TRIM29: variants seen among roughly 807,000 people sequenced by gnomAD.
TRIM29 encodes the protein tripartite motif containing 29, also known as tripartite motif-containing protein 29.
In TRIM29, 52 loss-of-function variants were observed where a neutral mutation model predicts 57.3. That is an observed-to-expected ratio of 0.91 (90% CI 0.73 to 1.14). The LOEUF (loss-of-function observed/expected upper bound fraction) is 1.14, where lower values mean the gene tolerates loss of function less well. Ranked by LOEUF, TRIM29 falls within the 50% of genes most tolerant of loss-of-function variation. The pLI is 0.00. For missense variants in TRIM29, 753 were observed against 774.6 expected, an observed-to-expected ratio of 0.97 and a Z score of 0.33; for synonymous variants, 319 against 316.9, an observed-to-expected ratio of 1.01 and a Z score of -0.07.
Position 120,115,342 on chromosome 11 carries a change from A to T in TRIM29, c.1700T>A (p.Met567Lys). Residue 567 changes from methionine to lysine, a missense_variant, in exon 8 of 9, where the codon ATG becomes AAG. Physicochemically the swap from Met to Lys is moderately conservative, Grantham distance 95. Transcript: ENST00000341846. ...PQTWKSGKQT[M>K]LSHYRPFYVN... ...TCCCGGCAGCACTTCCCTTACCAGC[A>T]TAGTCTGCTTGCCAGATTTCCAAGT... 6.2e-7 allele frequency: 1 copy of T among 1,613,384 alleles called. No individual in the cohort carries two copies. Among genetic ancestry groups the T allele is most frequent in the Non-Finnish European group, 8.5e-7 (1 of 1,179,774 alleles).
chr11:120,122,608 G>A (rs1197415926), intron 5 of TRIM29, among the ~76,000 whole-genome samples: 1 of 152,230 alleles, frequency 6.6e-6, no homozygotes, highest in Non-Finnish European at 1.5e-5. Flanking sequence ...CGGCCTGGCA[G>A]AAGGGAGCCC....
At position 120,123,178 on chromosome 11, in the gene TRIM29, A is replaced by T. The variant is rs1484959581; in HGVS notation, c.1334-123T>A. On this transcript the variant is annotated intron_variant, in intron 4 of 8. Transcript: ENST00000341846. ...TTCCCCTATCTCCCAGGCAGATCCA[A>T]GTTTCCCCAACCTCTCAGAGAATAT... The T allele has an allele frequency of 7.0e-6, 5 of 712,940 alleles. No homozygotes were observed. In the Admixed American group the frequency reaches 1.1e-4, roughly 16 times the overall value. 44.2% of individuals were successfully genotyped at this position (712,940 alleles called of 1,614,324 possible).
At chr11:120,120,730 A>G (rs1863422515) in intron 5 of TRIM29, 65 bp from the exon 6 acceptor site, 2 of 1,505,808 alleles carry the variant, frequency 1.3e-6, no homozygotes, top group Non-Finnish European at 1.8e-6. Context: ...CTTGCCCCCA[A>G]AAAGTTGCCC....
intron 1 of TRIM29, among the ~76,000 whole-genome samples, chr11:120,135,226 T>C (rs1014725592): frequency 3.0e-4 from 46 of 152,166 alleles, no homozygotes; most frequent in African/African-American, 1.1e-3. Context: ...AGATAATCAA[T>C]AAGAATGTCC....
At chr11:120,125,558 T>C in intron 4 of TRIM29, 133 bp downstream of exon 4, 1 of 795,858 alleles carries the variant, frequency 1.3e-6, no homozygotes. Flanking sequence ...CCAAACGGCC[T>C]GAGGAAGGGT....
chr11:120,118,127 G>C (rs1426637659), intron 7 of TRIM29, 96 bp downstream of exon 7: 2 of 1,116,336 alleles, frequency 1.8e-6, no homozygotes, highest in African/African-American at 3.1e-5. Context: ...CACGAGGTGA[G>C]GGAGGAACTA....
At chr11:120,134,950 G>A (rs1278838466) in intron 1 of TRIM29, among the ~76,000 whole-genome samples, 1 of 152,212 alleles carries the variant, frequency 6.6e-6, no homozygotes, top group Non-Finnish European at 1.5e-5. Context: ...GCCGCTCTGT[G>A]TAACTAGACG....
rs373056755 is a variant in TRIM29, at chr11:120,116,883, G to A, written c.1627+1340C>T. On this transcript the variant is annotated intron_variant, in intron 7 of 8. Coordinates refer to ENST00000341846, the MANE Select transcript of TRIM29 (RefSeq NM_012101.4). ...GAGAAGGGACCGGCACACCCTAGAA[G>A]TGGCAGAGAGCCCCCCATGTCCCAC... 714 of 340,680 alleles carry A rather than the reference G, an allele frequency of 2.1e-3. 5 individuals carry two copies. Among genetic ancestry groups the A allele is most frequent in the South Asian group, 5.3e-3 (233 of 43,852 alleles). The allele number at this position is 340,680 out of a possible 1,614,324, so 21.1% of individuals were successfully genotyped here. A position where few individuals can be genotyped will look rare whatever the true frequency, so the allele number is the denominator to read the frequency against.
intron 8 of TRIM29, among the ~76,000 whole-genome samples, chr11:120,113,861 A>G (rs764531731): frequency 2.6e-5 from 4 of 152,148 alleles, no homozygotes; most frequent in African/African-American, 4.8e-5. Flanking sequence ...AGGTCAATGA[A>G]TGGCATTGTC....
intron 2 of TRIM29, 63 bp downstream of exon 2, chr11:120,128,337 G>T (rs943536526): frequency 1.3e-6 from 2 of 1,486,104 alleles, no homozygotes; most frequent in Admixed American, 3.4e-5. Context: ...GCCAAGGCCT[G>T]CGTCTTTCCA....
In TRIM29 at chr11:120,120,628, G is replaced by C. The variant is rs374474010; in HGVS notation, c.1473C>G (p.Gly491=). The C allele has an allele frequency of 3.1e-5, 50 of 1,613,792 alleles. No individual in the cohort carries two copies. Among genetic ancestry groups the C allele is most frequent in the Non-Finnish European group, 4.0e-5 (47 of 1,180,004 alleles). ...VRTSYQPSSP[G]RFTKETTQKN... is the part of the protein sequence containing the mutation. Reference sequence around the variant, plus strand: ...TCTGGGTGGTCTCCTTGGTGAAGCGGCCAGGAGACGAGGGCTGGTATGATG... The same window carrying C: ...TCTGGGTGGTCTCCTTGGTGAAGCGCCCAGGAGACGAGGGCTGGTATGATG... The change falls in exon 6 of 9, where the codon GGC becomes GGG. Residue 491 remains glycine, a synonymous_variant. Coordinates refer to ENST00000341846, the MANE Select transcript of TRIM29 (RefSeq NM_012101.4).
At chr11:120,115,494 T>TC in intron 7 of TRIM29, 80 bp from the exon 8 acceptor site, 1 of 1,206,738 alleles carries the variant, frequency 8.3e-7, no homozygotes, top group Non-Finnish European at 1.2e-6. Flanking sequence ...CACAGCTGCC[T>TC]TCTCCAAAGT....
intron 5 of TRIM29, among the ~76,000 whole-genome samples, chr11:120,122,351 C>T (rs1380225887): frequency 6.6e-6 from 1 of 152,102 alleles, no homozygotes; most frequent in East Asian, 1.9e-4. Flanking sequence ...TGCTGGCGCC[C>T]AAGAATGTGA....
chr11:120,119,120 T>C (rs1174000378), intron 6 of TRIM29, among the ~76,000 whole-genome samples: 4 of 152,150 alleles, frequency 2.6e-5, no homozygotes, highest in Non-Finnish European at 5.9e-5. Flanking sequence ...CCAAGTTGAA[T>C]AGGCTAACAC....
At chr11:120,130,551 T>A (rs748924725) in intron 1 of TRIM29, among the ~76,000 whole-genome samples, 3 of 152,206 alleles carry the variant, frequency 2.0e-5, no homozygotes, top group Non-Finnish European at 2.9e-5. Context: ...CAGGTGCCTC[T>A]GAAAGTTGCC....
At chr11:120,132,052 CCTA>C in intron 1 of TRIM29, among the ~76,000 whole-genome samples, 7 of 151,480 alleles carry the variant, frequency 4.6e-5, no homozygotes, top group Non-Finnish European at 1.0e-4. Context: ...GGACTCAGAT[CCTA>C]TTCTGTGCTT....
At chr11:120,122,131 A>AGTGTGTGT (rs72245071) in intron 5 of TRIM29, 4,995 of 203,926 alleles carry the variant, frequency 0.024, 122 homozygotes, top group African/African-American at 0.072. Flanking sequence ...TGTGTGTGTG[A>AGTGTGTGT]GTGTGTGTGT....
intron 1 of TRIM29, chr11:120,128,825 T>G: frequency 6.6e-7 from 1 of 1,520,702 alleles, no homozygotes; most frequent in Non-Finnish European, 8.8e-7. Context: ...TACAGGGTGC[T>G]TGCCCTTTTC....
At chr11:120,118,585 GCT>G (rs1863345944) in intron 6 of TRIM29, among the ~76,000 whole-genome samples, 1 of 152,126 alleles carries the variant, frequency 6.6e-6, no homozygotes, top group Non-Finnish European at 1.5e-5. Flanking sequence ...GCAGCCCAGA[GCT>G]CTGTCGTGAG....
Sources: gnomAD v4.1 joint callset for allele counts (sites outside exome capture counted in the v4.1 genomes callset) on GRCh38, gnomAD v4.1.1 for gene constraint, MANE v1.5 for transcripts, NCBI Gene and HGNC (gene_info 2026-07-23, HGNC 2026-07-21) for gene names.